Variants in NELL2 observed in about 807,000 individuals in gnomAD.
The protein encoded by NELL2 is neural EGFL like 2.
Under a neutral mutation model 109.6 loss-of-function variants are expected in NELL2, and 41 were observed. The observed-to-expected ratio is 0.37, with a 90% CI of 0.29 to 0.49. NELL2 has a LOEUF of 0.49. NELL2 is among the 20% of genes least tolerant of loss of function. NELL2 has a pLI of 0.98. For synonymous variants in NELL2, 355 were observed against 344.7 expected (o/e 1.03, Z -0.33); for missense variants, 900 against 1,008.3 (o/e 0.89, Z 1.45).
Position 44,913,434 on chromosome 12 carries a change from G to T in NELL2, c.38+365C>A, listed in dbSNP as rs532548251. Among the ~76,000 whole-genome samples the T allele has an allele frequency of 3.9e-5, 6 of 152,174 alleles. No individual in the cohort carries two copies. The South Asian group carries it at 8.3e-4, about 21-fold the overall frequency. ...AGATTTTCCATGATGGCATATCTAA[G>T]TTCTTTATTAAGAAAAAAGTTATCT... On this transcript the variant is annotated intron_variant, in intron 1 of 20. Transcript: ENST00000333837.
chr12:44,875,783 C>G, intron 1 of NELL2, 32 bp downstream of exon 1: 1 of 1,612,864 alleles, frequency 6.2e-7, no homozygotes, highest in Non-Finnish European at 8.5e-7. Context: ...GGAGCCATCC[C>G]TTTCCCCAGC....
At chr12:44,721,371 T>C (rs1476785693) in intron 9 of NELL2, among the ~76,000 whole-genome samples, 2 of 152,126 alleles carry the variant, frequency 1.3e-5, no homozygotes, top group African/African-American at 4.8e-5. Context: ...TAGAGGAAAA[T>C]ACAGTATTTG....
intron 3 of NELL2, among the ~76,000 whole-genome samples, chr12:44,794,557 C>T (rs186357755): frequency 1.3e-5 from 2 of 152,104 alleles, no homozygotes; most frequent in African/African-American, 4.8e-5. Flanking sequence ...TGTTTGCTGA[C>T]CCATCAGGGT....
chr12:44,730,175 G>C (rs1939295070), intron 9 of NELL2, among the ~76,000 whole-genome samples: 2 of 152,108 alleles, frequency 1.3e-5, no homozygotes, highest in Non-Finnish European at 2.9e-5. Flanking sequence ...GAAACAGACA[G>C]TAACAAAAGA....
chr12:44,545,011 C>T (rs1942734480), intron 15 of NELL2, among the ~76,000 whole-genome samples: 2 of 151,848 alleles, frequency 1.3e-5, no homozygotes, highest in South Asian at 4.2e-4. Flanking sequence ...AAGAAGATCA[C>T]AAGTCAAACC....
chr12:44,875,093 T>G lies in NELL2; in HGVS notation c.184+132A>C. ...AGAGATAGGGATATGTGTCTCACAC[T>G]GGCCCTTCTACACCTCAGCTAAAGT... On this transcript the variant is annotated intron_variant, in intron 2 of 19. Transcript: ENST00000429094. 6 of 1,202,562 alleles carry G rather than the reference T, an allele frequency of 5.0e-6. No homozygotes were observed. In the South Asian group the frequency reaches 9.5e-5, roughly 19 times the overall value. The allele number at this position is 1,202,562 out of a possible 1,614,324, so 74.5% of individuals were successfully genotyped here.
At chr12:44,842,000 T>C (rs1385842941) in intron 2 of NELL2, among the ~76,000 whole-genome samples, 6 of 150,484 alleles carry the variant, frequency 4.0e-5, no homozygotes, top group Admixed American at 3.3e-4. Context: ...GATAACAAAA[T>C]TAAATAGAAT....
intron 13 of NELL2, among the ~76,000 whole-genome samples, chr12:44,649,123 CAT>C (rs1342765371): frequency 1.3e-5 from 2 of 151,984 alleles, no homozygotes; most frequent in Non-Finnish European, 2.9e-5. Flanking sequence ...ATAATCTTGT[CAT>C]AGAACCACAC....
intron 2 of NELL2, among the ~76,000 whole-genome samples, chr12:44,848,539 C>T (rs1454478763): frequency 6.6e-6 from 1 of 152,150 alleles, no homozygotes; most frequent in East Asian, 1.9e-4. Context: ...AGACCCTCTT[C>T]TTCCCCACCC....
intron 13 of NELL2, among the ~76,000 whole-genome samples, chr12:44,661,138 C>A: frequency 6.6e-6 from 1 of 152,168 alleles, no homozygotes; most frequent in Non-Finnish European, 1.5e-5. Flanking sequence ...GATGAGCATG[C>A]ATACAACTTC....
intron 13 of NELL2, among the ~76,000 whole-genome samples, chr12:44,664,392 T>C (rs548006420): frequency 1.3e-5 from 2 of 152,226 alleles, no homozygotes; most frequent in South Asian, 4.1e-4. Flanking sequence ...TCATTCTTTT[T>C]GAATGCCATC....
chr12:44,904,542 G>A (rs1945698837), intron 1 of NELL2, among the ~76,000 whole-genome samples: 1 of 152,092 alleles, frequency 6.6e-6, no homozygotes, highest in South Asian at 2.1e-4. Flanking sequence ...GCCACATGAT[G>A]GAAGGAGATT....
intron 9 of NELL2, among the ~76,000 whole-genome samples, chr12:44,729,786 G>A (rs1318064957): frequency 6.6e-6 from 1 of 151,328 alleles, no homozygotes; most frequent in Admixed American, 6.6e-5. Context: ...AGGCCTTTTT[G>A]TTTGGTTGTT....
intron 9 of NELL2, among the ~76,000 whole-genome samples, chr12:44,746,980 C>T (rs532742527): frequency 6.6e-6 from 1 of 152,310 alleles, no homozygotes; most frequent in African/African-American, 2.4e-5. Flanking sequence ...AATCATGCTG[C>T]TATAAAGACT....
At chr12:44,540,998 C>T (rs1048959289) in intron 15 of NELL2, among the ~76,000 whole-genome samples, 2 of 151,552 alleles carry the variant, frequency 1.3e-5, no homozygotes, top group Non-Finnish European at 1.5e-5. Context: ...GTAATCCCAA[C>T]GCTTTGGGAG....
At chr12:44,848,948 A>G (rs1177665066) in intron 2 of NELL2, among the ~76,000 whole-genome samples, 1 of 152,146 alleles carries the variant, frequency 6.6e-6, no homozygotes, top group Non-Finnish European at 1.5e-5. Flanking sequence ...AGTACCCCTC[A>G]TAATCTCATA....
At chr12:44,647,164 C>T (rs1202562585) in intron 13 of NELL2, among the ~76,000 whole-genome samples, 1 of 152,038 alleles carries the variant, frequency 6.6e-6, no homozygotes, top group Non-Finnish European at 1.5e-5. Context: ...TAGCAGGGCC[C>T]CTATACAAAT....
upstream of NELL2, among the ~76,000 whole-genome samples, chr12:44,914,455 A>G (rs1945811144): frequency 6.6e-6 from 1 of 152,182 alleles, no homozygotes; most frequent in African/African-American, 2.4e-5. Context: ...CCTTATCATA[A>G]GGTTTTCCTT....
rs377259432 is a variant in NELL2 at position 44,759,491 on chromosome 12, G to A, written c.994+15256C>T. ...AAGATGCTCTAGTCATCTCAGCATC[G>A]AAAAGTGAGAGTGTCATAAACCAAC... On this transcript the variant is annotated intron_variant, in intron 9 of 19. Transcript: ENST00000429094. Among the ~76,000 whole-genome samples the A allele has an allele frequency of 8.5e-5, 13 of 152,224 alleles. No homozygotes were observed. The South Asian group carries it at 1.0e-3, about 12-fold the overall frequency.
Sources: allele counts gnomAD v4.1 joint callset (sites outside exome capture counted in the v4.1 genomes callset), GRCh38; gene constraint gnomAD v4.1.1; transcripts MANE v1.5; gene names NCBI Gene and HGNC (gene_info 2026-07-23, HGNC 2026-07-21).